NSMCE2: variants seen among roughly 807,000 people sequenced by gnomAD.
NSMCE2 encodes the protein NSE2 SUMO ligase component of SMC5/6 complex.
NSMCE2 carries 24 observed loss-of-function variants against 23.8 expected under a neutral mutation model. The observed-to-expected ratio is 1.01, with a 90% CI of 0.73 to 1.42. The LOEUF (loss-of-function observed/expected upper bound fraction) is 1.42, where lower values mean the gene tolerates loss of function less well. NSMCE2 is among the 40% of genes most tolerant of loss of function. NSMCE2 has a pLI of 0.00. For synonymous variants in NSMCE2, 92 were observed against 94.1 expected (o/e 0.98, Z 0.13); for missense variants, 284 against 296.5 (o/e 0.96, Z 0.31).
chr8:125,343,223 C>T (rs952601104), intron 5 of NSMCE2, among the ~76,000 whole-genome samples: 1 of 152,160 alleles, frequency 6.6e-6, no homozygotes, highest in Admixed American at 6.5e-5. Flanking sequence ...CTGAGGACAG[C>T]GCTGAGCACT....
intron 5 of NSMCE2, among the ~76,000 whole-genome samples, chr8:125,345,002 G>T (rs1830383991): frequency 6.6e-6 from 1 of 150,812 alleles, no homozygotes; most frequent in South Asian, 2.1e-4. Flanking sequence ...TTGAATGTCT[G>T]TCCCACCTTG....
intron 1 of NSMCE2, among the ~76,000 whole-genome samples, chr8:125,094,153 A>G (rs1248310535): frequency 6.6e-6 from 1 of 152,128 alleles, no homozygotes; most frequent in Non-Finnish European, 1.5e-5. Flanking sequence ...GAAGGGGAGA[A>G]GGAAACAGGA....
intron 5 of NSMCE2, among the ~76,000 whole-genome samples, chr8:125,303,590 T>G (rs1013830325): frequency 3.3e-5 from 5 of 152,188 alleles, no homozygotes; most frequent in Non-Finnish European, 5.9e-5. Context: ...TCTCGCTGTT[T>G]AGGAAAAGGA....
intron 5 of NSMCE2, among the ~76,000 whole-genome samples, chr8:125,274,999 GATAATAATA>G (rs72261443): frequency 0.21 from 29,857 of 142,212 alleles, 3,324 homozygotes; most frequent in South Asian, 0.41. Flanking sequence ...ATCTGAAGAT[GATAATAATA>G]ATAATAATAA....
At position 125,367,074 on chromosome 8, in the gene NSMCE2, T is replaced by C. The variant is rs1435991990; in HGVS notation, c.*189T>C. ...ACAACAGAAATGCAATCATATTGTT[T>C]ATTTTTAAGTGTTCTATAATGTTAA... On this transcript the variant is annotated 3_prime_UTR_variant, in exon 8 of 8. Transcript: ENST00000287437. 1.7e-5 allele frequency: 9 copies of C among 541,106 alleles called. No homozygotes were observed. The highest frequency in any genetic ancestry group is 2.0e-5 in the Non-Finnish European group (6 of 300,480). 33.5% of individuals were successfully genotyped at this position (541,106 alleles called of 1,614,324 possible). A position where few individuals can be genotyped will look rare whatever the true frequency, so the allele number is the denominator to read the frequency against.
chr8:125,135,012 A>G (rs1265627265), intron 3 of NSMCE2, among the ~76,000 whole-genome samples: 1 of 151,636 alleles, frequency 6.6e-6, no homozygotes, highest in African/African-American at 2.4e-5. Flanking sequence ...GGCTCAAGCA[A>G]CCCTCCCACC....
At chr8:125,109,425 T>G (rs1422889056) in intron 3 of NSMCE2, among the ~76,000 whole-genome samples, 1 of 152,148 alleles carries the variant, frequency 6.6e-6, no homozygotes, top group Non-Finnish European at 1.5e-5. Flanking sequence ...TGGGAGAGAT[T>G]AAAGTGCAGA....
At chr8:125,335,289 G>C (rs62521002) in intron 5 of NSMCE2, among the ~76,000 whole-genome samples, 1 of 152,170 alleles carries the variant, frequency 6.6e-6, no homozygotes, top group Non-Finnish European at 1.5e-5. Context: ...TATGTGCCAA[G>C]CCCCATGTTT....
At chr8:125,203,000 G>A (rs75328923) in intron 5 of NSMCE2, among the ~76,000 whole-genome samples, 1 of 152,100 alleles carries the variant, frequency 6.6e-6, no homozygotes, top group African/African-American at 2.4e-5. Flanking sequence ...AGGAATTGCT[G>A]TATTCACCAT....
intron 3 of NSMCE2, among the ~76,000 whole-genome samples, chr8:125,116,915 CCT>C (rs1819033901): frequency 7.3e-6 from 1 of 137,910 alleles, no homozygotes; most frequent in Non-Finnish European, 1.5e-5. Context: ...TGAGATGGAG[CCT>C]CTCTCTGTCA....
In NSMCE2 at chr8:125,313,102, G is replaced by GA. The variant is rs769663005; in HGVS notation, c.419-44105dup. Among the ~76,000 whole-genome samples, 832 of 107,064 alleles carry GA rather than the reference G, an allele frequency of 7.8e-3. 11 individuals are homozygous for GA. The highest frequency in any genetic ancestry group is 0.024 in the African/African-American group (710 of 29,036). The allele number at this position is 107,064 out of a possible 152,430, so 70.2% of individuals were successfully genotyped here. ...CACATGTATCCCAGAACTTAAAGTG[G>GA]AAAAAAAAAAAAGGGAAAGAAGGAA... is the stretch of plus-strand genomic sequence containing the variant. On this transcript the variant is annotated intron_variant, in intron 5 of 7. Coordinates refer to ENST00000287437, the MANE Select transcript of NSMCE2 (RefSeq NM_173685.4).
At chr8:125,102,624 C>T (rs1256677433) in intron 3 of NSMCE2, 137 bp downstream of exon 3, 6 of 664,548 alleles carry the variant, frequency 9.0e-6, no homozygotes, top group South Asian at 3.7e-5. Flanking sequence ...TTTTATTCTA[C>T]ACACCGCAGC....
intron 5 of NSMCE2, among the ~76,000 whole-genome samples, chr8:125,252,955 A>G (rs990607109): frequency 2.0e-5 from 3 of 152,242 alleles, no homozygotes; most frequent in African/African-American, 7.2e-5. Flanking sequence ...TTTCTTACCT[A>G]TAGAACACAG....
intron 3 of NSMCE2, among the ~76,000 whole-genome samples, chr8:125,144,552 C>T (rs1820566320): frequency 6.6e-6 from 1 of 152,210 alleles, no homozygotes; most frequent in Non-Finnish European, 1.5e-5. Flanking sequence ...CGTATTGCTA[C>T]AGGCTTACTG....
At chr8:125,366,576 T>C (rs771177494) in intron 7 of NSMCE2, among the ~76,000 whole-genome samples, 192 bp from the exon 8 acceptor site, 2 of 152,040 alleles carry the variant, frequency 1.3e-5, no homozygotes, top group East Asian at 1.9e-4. Context: ...CACATATCGC[T>C]TGTGTCCCCA....
chr8:125,212,409 C>T (rs1001214203), intron 5 of NSMCE2, among the ~76,000 whole-genome samples: 3 of 152,042 alleles, frequency 2.0e-5, no homozygotes, highest in African/African-American at 7.2e-5. Context: ...AGTATGACCT[C>T]CTAGAGCTGA....
rs1175967439 is a variant in NSMCE2 at position 125,165,105 on chromosome 8, G to T, written c.264+13828G>T. ...CCTAGCCTCCTCCTTGTTCCTCCCT[G>T]GCCTAACAGTGTGACACTGGGTTAG... is the stretch of plus-strand genomic sequence containing the variant. On this transcript the variant is annotated intron_variant, in intron 4 of 7. Transcript: ENST00000287437. Among the ~76,000 whole-genome samples, 4 of 152,156 alleles carry T rather than the reference G, an allele frequency of 2.6e-5. No individual in the cohort carries two copies. In the East Asian group the frequency reaches 7.7e-4, roughly 29 times the overall value.
chr8:125,329,220 A>C (rs1829785613), intron 5 of NSMCE2, among the ~76,000 whole-genome samples: 2 of 152,202 alleles, frequency 1.3e-5, no homozygotes, highest in Admixed American at 1.3e-4. Flanking sequence ...TTACCAGGTT[A>C]TCTCAGTGAG....
chr8:125,101,861 T>C (rs961843779), intron 1 of NSMCE2, among the ~76,000 whole-genome samples, 190 bp from the exon 2 acceptor site: 1 of 152,210 alleles, frequency 6.6e-6, no homozygotes, highest in Non-Finnish European at 1.5e-5. Flanking sequence ...TTTTTTACAG[T>C]TTCCAGAATT....
Sources: allele counts gnomAD v4.1 joint callset (sites outside exome capture counted in the v4.1 genomes callset), GRCh38; gene constraint gnomAD v4.1.1; transcripts MANE v1.5; gene names NCBI Gene and HGNC (gene_info 2026-07-23, HGNC 2026-07-21).